The following NLGN1 variants were observed in gnomAD, a reference collection of about 807,000 sequenced individuals.
NLGN1 encodes the protein neuroligin 1, also known as neuroligin-1.
Under a neutral mutation model 65.5 loss-of-function variants are expected in NLGN1, and 12 were observed. That is an observed-to-expected ratio of 0.18 (90% CI 0.12 to 0.30). The LOEUF (loss-of-function observed/expected upper bound fraction) is 0.30. Ranked by LOEUF, NLGN1 falls within the 10% of genes least tolerant of loss-of-function variation. The probability of loss-of-function intolerance (pLI) is 1.00; values close to 1 mark genes in which losing one functional copy is unlikely to be tolerated. For synonymous variants in NLGN1, 350 were observed against 359.5 expected (o/e 0.97, Z 0.30); for missense variants, 750 against 1,007.1 (o/e 0.74, Z 3.46).
chr3:173,850,976 C>T (rs1253803758), intron 4 of NLGN1, among the ~76,000 whole-genome samples: 1 of 152,032 alleles, frequency 6.6e-6, no homozygotes, highest in African/African-American at 2.4e-5. Context: ...AACCCCTGAG[C>T]TCAAGCAATC....
intron 5 of NLGN1, 78 bp downstream of exon 5, chr3:174,275,605 T>A: frequency 1.2e-6 from 1 of 831,954 alleles, no homozygotes; most frequent in Non-Finnish European, 2.0e-6. Context: ...ATGCTCTGTA[T>A]ATTTCTCTGT....
chr3:173,548,905 A>G (rs1269821358), intron 2 of NLGN1, among the ~76,000 whole-genome samples: 1 of 151,610 alleles, frequency 6.6e-6, no homozygotes, highest in Non-Finnish European at 1.5e-5. Context: ...CTAAAAAATA[A>G]CTCAAGTATC....
intron 2 of NLGN1, among the ~76,000 whole-genome samples, chr3:173,491,700 C>T (rs773513458): frequency 1.8e-4 from 27 of 151,562 alleles, no homozygotes; most frequent in African/African-American, 4.4e-4. Context: ...TTCAATTATC[C>T]GCCATACATT....
chr3:174,020,569 A>T (rs1201145363), intron 4 of NLGN1, among the ~76,000 whole-genome samples: 4 of 152,124 alleles, frequency 2.6e-5, no homozygotes. Context: ...TCTTAAGGAA[A>T]TATATTTTAG....
At chr3:173,799,164 T>G (rs1560394668) in intron 3 of NLGN1, among the ~76,000 whole-genome samples, 1 of 152,014 alleles carries the variant, frequency 6.6e-6, no homozygotes, top group Non-Finnish European at 1.5e-5. Context: ...AAAATTCTCT[T>G]GCTTACTGCT....
Position 173,444,328 on chromosome 3 carries a change from C to T in NLGN1, c.-321+9250C>T, listed in dbSNP as rs115432638. Reference sequence around the variant, plus strand: ...CAGAAGGACAGCAGGTAATGCTGCTCATCAAAATGAATAGGCTGTAATATC... The same window carrying T: ...CAGAAGGACAGCAGGTAATGCTGCTTATCAAAATGAATAGGCTGTAATATC... On this transcript the variant is annotated intron_variant, in intron 2 of 6. Transcript: ENST00000457714. Among the ~76,000 whole-genome samples the T allele has an allele frequency of 3.5e-3, 531 of 152,216 alleles. 2 individuals carry two copies. Among genetic ancestry groups the T allele is most frequent in the African/African-American group, 0.011 (472 of 41,530 alleles).
chr3:173,652,682 G>A (rs1357327223), intron 3 of NLGN1, among the ~76,000 whole-genome samples: 1 of 152,126 alleles, frequency 6.6e-6, no homozygotes, highest in Admixed American at 6.6e-5. Context: ...GTAATGTGTT[G>A]CTTCCAGCTT....
At chr3:173,823,508 C>T (rs748873750) in intron 4 of NLGN1, among the ~76,000 whole-genome samples, 10 of 151,990 alleles carry the variant, frequency 6.6e-5, no homozygotes, top group Non-Finnish European at 1.2e-4. Context: ...TCTCAATTCA[C>T]ATGCTAAATC....
At chr3:174,292,119 T>C in the NLGN1 span, among the ~76,000 whole-genome samples, 11 of 151,374 alleles carry the variant, frequency 7.3e-5, no homozygotes, top group African/African-American at 2.4e-4. Flanking sequence ...ATATTCTGAA[T>C]CAGAGTAGAA....
At position 173,947,629 on chromosome 3, in the gene NLGN1, A is replaced by T. The variant is rs149317134; in HGVS notation, c.646+139797A>T. The stretch of plus-strand genomic sequence containing the variant: ...AATTTTATCAAAACATCTTCAAATC[A>T]TCAACATTAAATTCCTTTAAAATAT... On this transcript the variant is annotated intron_variant, in intron 4 of 6. Transcript: ENST00000457714. Among the ~76,000 whole-genome samples, 92 of 152,320 alleles carry T rather than the reference A, an allele frequency of 6.0e-4. 1 individual carries two copies. In the East Asian group the frequency reaches 0.015, roughly 26 times the overall value.
At chr3:174,008,704 G>T (rs182890105) in intron 4 of NLGN1, among the ~76,000 whole-genome samples, 26 of 152,094 alleles carry the variant, frequency 1.7e-4, no homozygotes, top group Non-Finnish European at 3.2e-4. Flanking sequence ...ATGTATGGCA[G>T]GAAGATCAGG....
At chr3:173,473,850 C>T (rs1725732672) in intron 2 of NLGN1, among the ~76,000 whole-genome samples, 1 of 152,168 alleles carries the variant, frequency 6.6e-6, no homozygotes, top group Non-Finnish European at 1.5e-5. Flanking sequence ...TAGATGCTAG[C>T]GGGCGAATAA....
At chr3:174,224,559 C>A (rs905981626) in intron 4 of NLGN1, among the ~76,000 whole-genome samples, 1 of 152,150 alleles carries the variant, frequency 6.6e-6, no homozygotes, top group African/African-American at 2.4e-5. Context: ...ATTAGCTGGG[C>A]ATAGTGTCAG....
chr3:174,210,630 T>C (rs546965735), intron 4 of NLGN1, among the ~76,000 whole-genome samples: 1 of 152,318 alleles, frequency 6.6e-6, no homozygotes, highest in Non-Finnish European at 1.5e-5. Flanking sequence ...AGAACAGAGA[T>C]AGCTCCAAAG....
At chr3:174,057,361 C>T (rs1193223865) in intron 4 of NLGN1, among the ~76,000 whole-genome samples, 2 of 152,068 alleles carry the variant, frequency 1.3e-5, no homozygotes, top group East Asian at 3.9e-4. Flanking sequence ...TGTGTATGAG[C>T]CTGAATGTGG....
intron 4 of NLGN1, among the ~76,000 whole-genome samples, chr3:173,863,849 A>G (rs1381976064): frequency 6.6e-6 from 1 of 152,200 alleles, no homozygotes; most frequent in Non-Finnish European, 1.5e-5. Flanking sequence ...TTCAGGCAGA[A>G]GAGAGCTTGA....
chr3:173,787,180 A>G (rs1421897210), intron 3 of NLGN1, among the ~76,000 whole-genome samples: 1 of 152,212 alleles, frequency 6.6e-6, no homozygotes, highest in Non-Finnish European at 1.5e-5. Flanking sequence ...AGCTTCTCTT[A>G]GTGTATTTAA....
chr3:173,862,277 C>A (rs189349170), intron 4 of NLGN1, among the ~76,000 whole-genome samples: 2 of 151,102 alleles, frequency 1.3e-5, no homozygotes, highest in East Asian at 3.9e-4. Flanking sequence ...GAGGCCGAGG[C>A]GGGCGGATCA....
At chr3:173,509,038 G>A (rs1422811131) in intron 2 of NLGN1, among the ~76,000 whole-genome samples, 3 of 152,110 alleles carry the variant, frequency 2.0e-5, no homozygotes, top group African/African-American at 7.2e-5. Flanking sequence ...AAGTCCATCA[G>A]AAAGATGGCA....
Sources: gnomAD v4.1 joint callset for allele counts (sites outside exome capture counted in the v4.1 genomes callset) on GRCh38, gnomAD v4.1.1 for gene constraint, MANE v1.5 for transcripts, NCBI Gene and HGNC (gene_info 2026-07-23, HGNC 2026-07-21) for gene names.